The following OXSR1 variants were observed in gnomAD, a reference collection of about 807,000 sequenced individuals.
OXSR1 encodes serine/threonine-protein kinase OSR1.
A neutral mutation model predicts 79.8 loss-of-function variants in OXSR1; 24 were observed. That is an observed-to-expected ratio of 0.30 (90% CI 0.22 to 0.42). The LOEUF is 0.42. Among genes scored for constraint, OXSR1 ranks in the 10% least tolerant of loss-of-function variants. The pLI, the probability that OXSR1 is intolerant of heterozygous loss-of-function variation, is 1.00. For missense variants in OXSR1, 430 were observed against 618.4 expected (o/e 0.70, Z 3.23); for synonymous variants, 226 against 209.2 (o/e 1.08, Z -0.69).
chr3:38,211,367 A>G (rs1478082489), intron 4 of OXSR1, among the ~76,000 whole-genome samples: 1 of 152,198 alleles, frequency 6.6e-6, no homozygotes, highest in East Asian at 1.9e-4. Flanking sequence ...TGTTATAGGT[A>G]CATACAGGTT....
intron 10 of OXSR1, among the ~76,000 whole-genome samples, chr3:38,231,979 T>C (rs1203549322): frequency 6.6e-6 from 1 of 152,074 alleles, no homozygotes; most frequent in Non-Finnish European, 1.5e-5. Flanking sequence ...TGGTAGTACA[T>C]GTCTGTAATT....
intron 1 of OXSR1, among the ~76,000 whole-genome samples, chr3:38,178,620 A>ATATTTTTTTTTTTTTTTTT (rs1265646743): frequency 2.1e-5 from 2 of 95,126 alleles, no homozygotes; most frequent in Non-Finnish European, 3.9e-5. Context: ...ATATATATAT[A>ATATTTTTTTTTTTTTTTTT]TTTTTTTTTT....
Position 38,165,584 on chromosome 3 carries a change from C to G in OXSR1, c.-293C>G. The G allele has an allele frequency of 1.0e-5, 4 of 396,168 alleles. No individual in the cohort carries two copies. Among genetic ancestry groups the G allele is most frequent in the Non-Finnish European group, 1.8e-5 (4 of 218,208 alleles). 24.5% of individuals were successfully genotyped at this position (396,168 alleles called of 1,614,324 possible). A position where few individuals can be genotyped will look rare whatever the true frequency, so the allele number is the denominator to read the frequency against. ...GGAGGGCGGGACAGAGGGGCTGGGC[C>G]CAGGCAAAGCTTCTGTCGCTGCTGC... is the stretch of plus-strand genomic sequence containing the variant. On this transcript the variant is annotated 5_prime_UTR_variant, in exon 1 of 18. Transcript: ENST00000311806.
chr3:38,251,302 G>C (rs933874206), intron 15 of OXSR1, 101 bp from the exon 16 acceptor site: 3 of 907,666 alleles, frequency 3.3e-6, no homozygotes, highest in Non-Finnish European at 5.5e-6. Flanking sequence ...TTAGCATCCA[G>C]CTTGGGCCTA....
chr3:38,164,878 C>T (rs919466788), upstream of OXSR1, among the ~76,000 whole-genome samples: 1 of 152,160 alleles, frequency 6.6e-6, no homozygotes, highest in Non-Finnish European at 1.5e-5. Flanking sequence ...AAAAATGTCA[C>T]CAGGCAAACT....
Position 38,213,062 on chromosome 3 carries a change from C to CA in OXSR1, c.435-3031dup, listed in dbSNP as rs35860171. ...GCATTGATCAGGAAAAGTAGTCACT[C>CA]AAAGTGCAGGCTCTGCTGAGAATGG... On this transcript the variant is annotated intron_variant, in intron 4 of 17. Transcript: ENST00000311806. Among the ~76,000 whole-genome samples the CA allele has an allele frequency of 4.0e-3, 609 of 152,258 alleles. 7 individuals carry two copies. The highest frequency in any genetic ancestry group is 0.014 in the African/African-American group (586 of 41,550).
chr3:38,200,295 A>G (rs774082839), intron 4 of OXSR1, among the ~76,000 whole-genome samples: 12 of 152,206 alleles, frequency 7.9e-5, no homozygotes, highest in Non-Finnish European at 1.6e-4. Context: ...TATGTCTGTC[A>G]GTTGTTCTGG....
intron 3 of OXSR1, among the ~76,000 whole-genome samples, chr3:38,194,387 A>G (rs13321745): frequency 0.01 from 1,589 of 152,238 alleles, 27 homozygotes; most frequent in African/African-American, 0.037. Flanking sequence ...CCCTGTCTCT[A>G]CCAAAAATAA....
chr3:38,232,311 A>G (rs1702825973), intron 10 of OXSR1, among the ~76,000 whole-genome samples: 1 of 152,068 alleles, frequency 6.6e-6, no homozygotes, highest in Non-Finnish European at 1.5e-5. Flanking sequence ...GGTCCCGGCT[A>G]TTCAGGATGT....
At position 38,253,091 on chromosome 3, in the gene OXSR1, T is replaced by C; in HGVS notation, c.*200T>C. The C allele has an allele frequency of 1.7e-6, 1 of 574,392 alleles. No homozygotes were observed. The highest frequency in any genetic ancestry group is 3.1e-6 in the Non-Finnish European group (1 of 322,470). The allele number at this position is 574,392 out of a possible 1,614,324, so 35.6% of individuals were successfully genotyped here. A position where few individuals can be genotyped will look rare whatever the true frequency, so the allele number is the denominator to read the frequency against. On this transcript the variant is annotated 3_prime_UTR_variant, in exon 18 of 18. Coordinates refer to ENST00000311806, the MANE Select transcript of OXSR1 (RefSeq NM_005109.3). ...AAAGTTGGATCACTAGTGGCCAGCATCCCCAGAGTTCCGTTAGTAAACTTA... is the reference window on the plus strand; with the variant it reads ...AAAGTTGGATCACTAGTGGCCAGCACCCCCAGAGTTCCGTTAGTAAACTTA...
At chr3:38,185,311 A>C (rs1203192870) in intron 2 of OXSR1, among the ~76,000 whole-genome samples, 2 of 152,204 alleles carry the variant, frequency 1.3e-5, no homozygotes, top group Non-Finnish European at 2.9e-5. Context: ...AGGGCCAGGC[A>C]CAGTGGCTTA....
rs1454110522 is a variant in OXSR1, at chr3:38,254,440, A to G, written c.*1549A>G. On this transcript the variant is annotated 3_prime_UTR_variant, in exon 18 of 18. Transcript: ENST00000311806. ...TGGATGTTGGGGAGGAAGAGAGGAGATGGATTTCAGTTGGGAGTTAGGAGG... is the reference window on the plus strand; with the variant it reads ...TGGATGTTGGGGAGGAAGAGAGGAGGTGGATTTCAGTTGGGAGTTAGGAGG... 1.5e-5 allele frequency: 6 copies of G among 388,690 alleles called. No individual in the cohort carries two copies. The highest frequency in any genetic ancestry group is 1.1e-4 in the East Asian group (3 of 27,586). 24.1% of individuals were successfully genotyped at this position (388,690 alleles called of 1,614,324 possible). A position where few individuals can be genotyped will look rare whatever the true frequency, so the allele number is the denominator to read the frequency against.
At chr3:38,168,894 T>C (rs1701520174) in intron 1 of OXSR1, among the ~76,000 whole-genome samples, 1 of 152,240 alleles carries the variant, frequency 6.6e-6, no homozygotes, top group Non-Finnish European at 1.5e-5. Flanking sequence ...TTGTTTCTGC[T>C]TTTTGGCTGT....
intron 14 of OXSR1, among the ~76,000 whole-genome samples, chr3:38,248,262 A>T (rs947354833): frequency 2.6e-5 from 4 of 152,016 alleles, no homozygotes; most frequent in Non-Finnish European, 5.9e-5. Flanking sequence ...TGGTGGGAAC[A>T]TATAGAGAGG....
intron 11 of OXSR1, among the ~76,000 whole-genome samples, chr3:38,239,381 G>C (rs1027662855): frequency 6.6e-6 from 1 of 152,052 alleles, no homozygotes; most frequent in African/African-American, 2.4e-5. Context: ...CTTGAGCTTT[G>C]TTCGGGGATA....
At chr3:38,179,280 T>C (rs1359129384) in intron 1 of OXSR1, among the ~76,000 whole-genome samples, 1 of 152,078 alleles carries the variant, frequency 6.6e-6, no homozygotes, top group African/African-American at 2.4e-5. Flanking sequence ...TCCATCCACC[T>C]TGGCCTCCCG....
chr3:38,183,223 A>G (rs1701819926), intron 2 of OXSR1, 108 bp downstream of exon 2: 4 of 482,032 alleles, frequency 8.3e-6, no homozygotes, highest in African/African-American at 2.0e-5. Context: ...AAAGTTTATG[A>G]TTTCTTCATT....
At chr3:38,169,721 G>GT (rs973634905) in intron 1 of OXSR1, among the ~76,000 whole-genome samples, 19 of 148,532 alleles carry the variant, frequency 1.3e-4, no homozygotes, top group South Asian at 1.1e-3. Flanking sequence ...CCTGTCTGTA[G>GT]TTTTTTTTTT....
At chr3:38,185,132 A>G (rs908963931) in intron 2 of OXSR1, among the ~76,000 whole-genome samples, 1 of 151,498 alleles carries the variant, frequency 6.6e-6, no homozygotes, top group African/African-American at 2.4e-5. Flanking sequence ...TGAAAAAAAA[A>G]TTGAATACGA....
Sources: gnomAD v4.1 joint callset for allele counts (sites outside exome capture counted in the v4.1 genomes callset) on GRCh38, gnomAD v4.1.1 for gene constraint, MANE v1.5 for transcripts, NCBI Gene and HGNC (gene_info 2026-07-23, HGNC 2026-07-21) for gene names.